Variants in AGBL4 observed in about 807,000 individuals in gnomAD.
AGBL4 encodes the protein AGBL carboxypeptidase 4.
AGBL4 carries 58 observed loss-of-function variants against 66.4 expected under a neutral mutation model. The ratio of observed to expected loss-of-function variants is 0.87; its 90% confidence interval spans 0.71 to 1.09. AGBL4 has a LOEUF of 1.09. Ranked by LOEUF, AGBL4 falls within the 50% of genes least tolerant of loss-of-function variation. The pLI is 0.00. For missense variants in AGBL4, 579 were observed against 631.0 expected (o/e 0.92, Z 0.88); for synonymous variants, 234 against 222.9 (o/e 1.05, Z -0.44).
chr1:48,869,889 A>AACACC (rs879895582), intron 5 of AGBL4, among the ~76,000 whole-genome samples: 1 of 152,116 alleles, frequency 6.6e-6, no homozygotes, highest in Non-Finnish European at 1.5e-5. Context: ...AAGGGCCTAG[A>AACACC]ACACCTATTA....
intron 3 of AGBL4, among the ~76,000 whole-genome samples, chr1:49,402,721 C>G (rs1476619343): frequency 1.3e-5 from 2 of 152,114 alleles, no homozygotes; most frequent in African/African-American, 4.8e-5. Flanking sequence ...ACATGCGCCA[C>G]CACATCTGGC....
chr1:49,967,167 T>C (rs1203718749), intron 1 of AGBL4, among the ~76,000 whole-genome samples: 1 of 152,198 alleles, frequency 6.6e-6, no homozygotes, highest in Non-Finnish European at 1.5e-5. Flanking sequence ...CTCCAGCATC[T>C]GTTGTTTCCT....
chr1:48,819,121 C>G (rs1182800508), intron 6 of AGBL4, among the ~76,000 whole-genome samples: 1 of 152,044 alleles, frequency 6.6e-6, no homozygotes, highest in Non-Finnish European at 1.5e-5. Context: ...CTAAATCAGC[C>G]TGGGTGGTCA....
chr1:48,749,242 T>C (rs1232455642), intron 6 of AGBL4, among the ~76,000 whole-genome samples: 1 of 152,156 alleles, frequency 6.6e-6, no homozygotes, highest in Non-Finnish European at 1.5e-5. Flanking sequence ...TCTCTTTTTT[T>C]CTCTCTGTAG....
At chr1:48,572,181 C>G (rs893015388) in intron 11 of AGBL4, among the ~76,000 whole-genome samples, 8 of 151,958 alleles carry the variant, frequency 5.3e-5, no homozygotes, top group Admixed American at 1.3e-4. Context: ...GAGCCCCTGC[C>G]CAGGTCAGAG....
chr1:49,435,443 T>A (rs1451175226), intron 3 of AGBL4, among the ~76,000 whole-genome samples: 1 of 152,158 alleles, frequency 6.6e-6, no homozygotes, highest in African/African-American at 2.4e-5. Context: ...CAATAACTAT[T>A]TGTTAAGTAA....
At chr1:49,232,583 C>T (rs1182879226) in intron 4 of AGBL4, among the ~76,000 whole-genome samples, 1 of 151,826 alleles carries the variant, frequency 6.6e-6, no homozygotes, top group African/African-American at 2.4e-5. Flanking sequence ...CCTGTAGTCC[C>T]AGCTACTTGG....
Position 48,577,984 on chromosome 1 carries a change from C to T in AGBL4, c.1267+9020G>A, listed in dbSNP as rs568411651. Among the ~76,000 whole-genome samples, 11 of 152,256 alleles carry T rather than the reference C, an allele frequency of 7.2e-5. No individual in the cohort carries two copies. The South Asian group carries it at 8.3e-4, about 11-fold the overall frequency. On this transcript the variant is annotated intron_variant, in intron 11 of 13. Coordinates refer to ENST00000371839, the MANE Select transcript of AGBL4 (RefSeq NM_032785.4). ...GCTGGATCAATCTGGATTTTACATT[C>T]GCACTCTACCACTACTAGCTGTGCA...
intron 11 of AGBL4, among the ~76,000 whole-genome samples, chr1:48,583,553 CTATT>C (rs1180362210): frequency 6.6e-6 from 1 of 152,182 alleles, no homozygotes; most frequent in Non-Finnish European, 1.5e-5. Flanking sequence ...ATAAATATCT[CTATT>C]TAATTCCCAC....
intron 1 of AGBL4, among the ~76,000 whole-genome samples, chr1:50,001,741 G>A (rs1240594312): frequency 6.6e-6 from 1 of 152,026 alleles, no homozygotes; most frequent in Non-Finnish European, 1.5e-5. Flanking sequence ...TGCAACACAG[G>A]CCCAGTTTTA....
the AGBL4 span, among the ~76,000 whole-genome samples, chr1:48,527,821 C>G: frequency 5.8e-3 from 876 of 152,092 alleles, 10 homozygotes; most frequent in African/African-American, 0.02. Context: ...GGCAATTGAA[C>G]AGAAATGGGG....
intron 2 of AGBL4, among the ~76,000 whole-genome samples, chr1:49,833,161 A>G (rs978008764): frequency 2.6e-5 from 4 of 152,130 alleles, no homozygotes; most frequent in African/African-American, 9.7e-5. Flanking sequence ...ATCTTGAATT[A>G]ATTTTTGTAT....
At chr1:48,867,272 G>A in intron 5 of AGBL4, 42 bp from the exon 6 acceptor site, 1 of 1,608,760 alleles carries the variant, frequency 6.2e-7, no homozygotes, top group South Asian at 1.1e-5. Flanking sequence ...ATTTGAGCCA[G>A]AGCCAAAATT....
At chr1:49,062,514 T>C (rs1644421320) in intron 4 of AGBL4, among the ~76,000 whole-genome samples, 2 of 152,194 alleles carry the variant, frequency 1.3e-5, no homozygotes, top group Admixed American at 1.3e-4. Flanking sequence ...TTGAATTCAT[T>C]GAATTAATGA....
chr1:49,018,508 C>T (rs1662994785), intron 5 of AGBL4, among the ~76,000 whole-genome samples: 1 of 152,160 alleles, frequency 6.6e-6, no homozygotes, highest in Non-Finnish European at 1.5e-5. Flanking sequence ...TATGTCACCA[C>T]CCACTTAACT....
intron 5 of AGBL4, among the ~76,000 whole-genome samples, chr1:49,004,320 T>C (rs1470611607): frequency 6.6e-6 from 1 of 152,160 alleles, no homozygotes; most frequent in Non-Finnish European, 1.5e-5. Flanking sequence ...CATCAAGAGA[T>C]AAAGTCCTGA....
chr1:49,208,847 C>T (rs747580564), intron 4 of AGBL4, among the ~76,000 whole-genome samples: 1 of 152,098 alleles, frequency 6.6e-6, no homozygotes. Flanking sequence ...CAGAATCCAG[C>T]TCTTACCGGA....
intron 1 of AGBL4, among the ~76,000 whole-genome samples, chr1:49,900,711 G>A (rs376466530): frequency 3.9e-5 from 6 of 152,294 alleles, no homozygotes; most frequent in Non-Finnish European, 5.9e-5. Context: ...GAGGCCAAAA[G>A]CTTATGTCAG....
chr1:48,800,399 G>T (rs903677888), intron 6 of AGBL4, among the ~76,000 whole-genome samples: 4 of 152,034 alleles, frequency 2.6e-5, no homozygotes, highest in African/African-American at 9.7e-5. Context: ...TCTTTCCTTG[G>T]TTAATCTCAC....
Sources: allele counts gnomAD v4.1 joint callset (sites outside exome capture counted in the v4.1 genomes callset), GRCh38; gene constraint gnomAD v4.1.1; transcripts MANE v1.5; gene names NCBI Gene and HGNC (gene_info 2026-07-23, HGNC 2026-07-21).